The following RBM19 variants were observed in gnomAD, a reference collection of about 807,000 sequenced individuals.
The protein encoded by RBM19 is probable RNA-binding protein 19.
In RBM19, 94 loss-of-function variants were observed where a neutral mutation model predicts 116.8. The observed-to-expected ratio is 0.80, with a 90% CI of 0.68 to 0.95. RBM19 has a LOEUF of 0.95. Ranked by LOEUF, RBM19 falls within the 40% of genes least tolerant of loss-of-function variation. The pLI is 0.00. For missense variants in RBM19, 1,161 were observed against 1,220.7 expected, an observed-to-expected ratio of 0.95 and a Z score of 0.73; for synonymous variants, 475 against 494.1, an observed-to-expected ratio of 0.96 and a Z score of 0.51.
chr12:113,942,538 T>G, intron 13 of RBM19, 104 bp from the exon 14 acceptor site: 2 of 863,744 alleles, frequency 2.3e-6, no homozygotes, highest in Admixed American at 5.0e-5. Flanking sequence ...TGGAAATGGA[T>G]TCCACGGATG....
chr12:113,949,172 G>A, intron 9 of RBM19, 136 bp from the exon 10 acceptor site: 1 of 785,160 alleles, frequency 1.3e-6, no homozygotes, highest in East Asian at 2.5e-5. Context: ...CCCAACACCT[G>A]CCCTGTCACC....
intron 23 of RBM19, among the ~76,000 whole-genome samples, chr12:113,833,884 C>T (rs1481138062): frequency 6.6e-6 from 1 of 152,156 alleles, no homozygotes; most frequent in African/African-American, 2.4e-5. Context: ...GCTGGGACTA[C>T]AGGTGTGTGC....
intron 23 of RBM19, among the ~76,000 whole-genome samples, chr12:113,832,338 C>T (rs1195266514): frequency 1.3e-5 from 2 of 151,990 alleles, no homozygotes; most frequent in Non-Finnish European, 2.9e-5. Flanking sequence ...TACGGGCGCA[C>T]GCCACCACAC....
chr12:113,830,575 C>G (rs11066778), intron 23 of RBM19, among the ~76,000 whole-genome samples: 4,728 of 11,668 alleles, frequency 0.41, 946 homozygotes, highest in Non-Finnish European at 0.45. Context: ...GGCTGCGGGG[C>G]GGGGGGGGGG....
chr12:113,925,380 G>C (rs2135875197), intron 17 of RBM19, among the ~76,000 whole-genome samples: 1 of 152,330 alleles, frequency 6.6e-6, no homozygotes, highest in African/African-American at 2.4e-5. Flanking sequence ...TGTGTTTAAA[G>C]TGTCAGATGC....
chr12:113,895,527 G>A (rs1881259305), intron 21 of RBM19, among the ~76,000 whole-genome samples: 1 of 152,146 alleles, frequency 6.6e-6, no homozygotes, highest in Non-Finnish European at 1.5e-5. Context: ...AGGGGAAGAC[G>A]CCTAACAATA....
At chr12:113,818,165 G>C (rs1874175269), downstream of RBM19, 1 of 126,928 alleles carries the variant, frequency 7.9e-6, no homozygotes, top group African/African-American at 3.1e-5. Flanking sequence ...GGTGAGCCCA[G>C]ATCACGCCAC....
At chr12:113,888,376 T>C (rs1880695585) in intron 21 of RBM19, among the ~76,000 whole-genome samples, 3 of 152,170 alleles carry the variant, frequency 2.0e-5, no homozygotes, top group Admixed American at 6.5e-5. Flanking sequence ...TCAGCCCAAA[T>C]CTCGACTGGC....
intron 23 of RBM19, among the ~76,000 whole-genome samples, chr12:113,832,386 C>T (rs547488715): frequency 2.0e-5 from 3 of 152,228 alleles, no homozygotes; most frequent in Middle Eastern, 3.4e-3. Context: ...GACAGGGCTT[C>T]GCTGTGTTGG....
chr12:113,858,148 A>G (rs1878055632), intron 22 of RBM19, among the ~76,000 whole-genome samples: 1 of 152,186 alleles, frequency 6.6e-6, no homozygotes, highest in Non-Finnish European at 1.5e-5. Context: ...CCCACATTGG[A>G]GGCTGGGCCC....
At position 113,909,271 on chromosome 12, in the gene RBM19, C is replaced by T. The variant is rs577679449; in HGVS notation, c.2558+5698G>A. Among the ~76,000 whole-genome samples, 3 of 152,246 alleles carry T rather than the reference C, an allele frequency of 2.0e-5. No homozygotes were observed. In the South Asian group the frequency reaches 6.2e-4, roughly 32 times the overall value. On this transcript the variant is annotated intron_variant, in intron 21 of 23. Coordinates refer to ENST00000261741, the MANE Select transcript of RBM19 (RefSeq NM_016196.4). ...CTGAGTAACTGGGACTATAGGAGTG[C>T]CACACAGTTCAGCTAATTTTTGTAT...
intron 21 of RBM19, among the ~76,000 whole-genome samples, 189 bp downstream of exon 21, chr12:113,914,780 C>A (rs1428933908): frequency 1.3e-5 from 2 of 152,212 alleles, no homozygotes; most frequent in Non-Finnish European, 2.9e-5. Context: ...TTTTTTCCTG[C>A]ACAGTGCTCT....
At chr12:113,853,840 GC>G (rs1467426458) in intron 22 of RBM19, among the ~76,000 whole-genome samples, 1 of 152,184 alleles carries the variant, frequency 6.6e-6, no homozygotes, top group Non-Finnish European at 1.5e-5. Flanking sequence ...TCCTCTGGGG[GC>G]TGGGGGGAGT....
At chr12:113,826,351 C>T (rs1377117748) in intron 23 of RBM19, among the ~76,000 whole-genome samples, 1 of 152,198 alleles carries the variant, frequency 6.6e-6, no homozygotes, top group Non-Finnish European at 1.5e-5. Context: ...GTTCCATTCC[C>T]AATGCCCAGA....
intron 21 of RBM19, among the ~76,000 whole-genome samples, chr12:113,887,896 A>G (rs1203586084): frequency 2.6e-5 from 4 of 151,852 alleles, no homozygotes; most frequent in Non-Finnish European, 4.4e-5. Flanking sequence ...AGTTTTTAAA[A>G]TTTTCTGTAG....
intron 16 of RBM19, among the ~76,000 whole-genome samples, chr12:113,932,188 C>G (rs1869664249): frequency 6.6e-6 from 1 of 152,166 alleles, no homozygotes; most frequent in Non-Finnish European, 1.5e-5. Flanking sequence ...TGACCTTGCT[C>G]AAGTCATGCA....
At chr12:113,939,299 C>A (rs567716109) in intron 15 of RBM19, among the ~76,000 whole-genome samples, 2 of 152,068 alleles carry the variant, frequency 1.3e-5, no homozygotes, top group East Asian at 3.9e-4. Flanking sequence ...GAGCGAGACC[C>A]TGTCTTTCAA....
intron 6 of RBM19, among the ~76,000 whole-genome samples, chr12:113,957,000 G>A (rs1461733298): frequency 1.3e-5 from 2 of 152,196 alleles, no homozygotes; most frequent in Non-Finnish European, 2.9e-5. Flanking sequence ...CCCTCTGCCT[G>A]TGTTGTTACT....
At chr12:113,836,084 C>A (rs556046976) in intron 23 of RBM19, among the ~76,000 whole-genome samples, 1 of 152,220 alleles carries the variant, frequency 6.6e-6, no homozygotes, top group South Asian at 2.1e-4. Context: ...CAGCCAGCGG[C>A]GGACTTTCCT....
Sources: gnomAD v4.1 joint callset for allele counts (sites outside exome capture counted in the v4.1 genomes callset) on GRCh38, gnomAD v4.1.1 for gene constraint, MANE v1.5 for transcripts, NCBI Gene and HGNC (gene_info 2026-07-23, HGNC 2026-07-21) for gene names.